Variants in RANBP9 observed in about 807,000 individuals in gnomAD.
The protein encoded by RANBP9 is ran-binding protein 9.
A neutral mutation model predicts 84.3 loss-of-function variants in RANBP9; 15 were observed. That is an observed-to-expected ratio of 0.18 (90% CI 0.12 to 0.27). The LOEUF is 0.27. Among genes scored for constraint, RANBP9 ranks in the 10% least tolerant of loss-of-function variants. The pLI is 1.00. For missense variants in RANBP9, 809 were observed against 912.8 expected (o/e 0.89, Z 1.46); for synonymous variants, 392 against 349.6 (o/e 1.12, Z -1.35).
intron 9 of RANBP9, among the ~76,000 whole-genome samples, 160 bp from the exon 10 acceptor site, chr6:13,638,115 CTTAA>C (rs1164134683): frequency 6.6e-6 from 1 of 152,146 alleles, no homozygotes; most frequent in Non-Finnish European, 1.5e-5. Context: ...ACTAAGAATA[CTTAA>C]TTGTGAGATC....
At chr6:13,652,171 T>A (rs1765313410) in intron 5 of RANBP9, among the ~76,000 whole-genome samples, 1 of 152,222 alleles carries the variant, frequency 6.6e-6, no homozygotes, top group Admixed American at 6.5e-5. Flanking sequence ...TTAACACCCT[T>A]AAAATATGTT....
At chr6:13,682,463 T>C (rs1476470938) in intron 2 of RANBP9, among the ~76,000 whole-genome samples, 1 of 152,108 alleles carries the variant, frequency 6.6e-6, no homozygotes, top group Admixed American at 6.5e-5. Context: ...ATAATTTTTT[T>C]TTTTAATTGA....
intron 2 of RANBP9, among the ~76,000 whole-genome samples, chr6:13,671,669 T>C (rs1765781413): frequency 6.6e-6 from 1 of 152,136 alleles, no homozygotes; most frequent in Non-Finnish European, 1.5e-5. Context: ...CTTTTTCAGG[T>C]GACAAAAATG....
intron 6 of RANBP9, among the ~76,000 whole-genome samples, chr6:13,643,405 C>T (rs1389070522): frequency 1.3e-5 from 2 of 152,170 alleles, no homozygotes; most frequent in Non-Finnish European, 2.9e-5. Flanking sequence ...CCTGACACTA[C>T]TAAGGGCCAG....
At chr6:13,664,894 T>C (rs1765614018) in intron 2 of RANBP9, among the ~76,000 whole-genome samples, 1 of 152,178 alleles carries the variant, frequency 6.6e-6, no homozygotes, top group East Asian at 1.9e-4. Flanking sequence ...CTAAACAGTA[T>C]GGTACTGGCT....
chr6:13,623,269 C>G (rs1487490694), intron 13 of RANBP9, among the ~76,000 whole-genome samples: 1 of 152,140 alleles, frequency 6.6e-6, no homozygotes, highest in Non-Finnish European at 1.5e-5. Flanking sequence ...AATGTCCAAA[C>G]TAATCAATAA....
At chr6:13,631,363 C>T (rs1042197353) in intron 12 of RANBP9, among the ~76,000 whole-genome samples, 1 of 152,198 alleles carries the variant, frequency 6.6e-6, no homozygotes, top group African/African-American at 2.4e-5. Flanking sequence ...ATGTCCTACA[C>T]TTGTGCTATG....
intron 13 of RANBP9, 62 bp from the exon 14 acceptor site, chr6:13,622,554 A>C: frequency 1.4e-6 from 2 of 1,467,314 alleles, no homozygotes; most frequent in South Asian, 1.4e-5. Context: ...AAAACATTTC[A>C]ATCAGGAGAA....
intron 11 of RANBP9, 133 bp downstream of exon 11, chr6:13,634,298 A>G: frequency 9.1e-7 from 1 of 1,098,816 alleles, no homozygotes; most frequent in Non-Finnish European, 1.3e-6. Flanking sequence ...AGTGCTATGC[A>G]TTACTGTCAA....
intron 2 of RANBP9, among the ~76,000 whole-genome samples, chr6:13,685,306 TAA>T (rs1310783436): frequency 6.6e-6 from 1 of 152,136 alleles, no homozygotes; most frequent in Non-Finnish European, 1.5e-5. Context: ...CAGCCAAAAA[TAA>T]AAAGATATTC....
chr6:13,630,310 A>T (rs1212816003), intron 12 of RANBP9, among the ~76,000 whole-genome samples: 1 of 152,194 alleles, frequency 6.6e-6, no homozygotes, highest in Non-Finnish European at 1.5e-5. Flanking sequence ...ATCTTCACAC[A>T]ATTCAGTATA....
chr6:13,687,767 T>C (rs997234301), intron 2 of RANBP9, among the ~76,000 whole-genome samples: 1 of 152,210 alleles, frequency 6.6e-6, no homozygotes, highest in Non-Finnish European at 1.5e-5. Context: ...AACTGATCTC[T>C]AGAAGTCAGT....
In RANBP9 at chr6:13,634,458, C is replaced by T. The variant is rs202203748; in HGVS notation, c.1768G>A (p.Glu590Lys). The T allele has an allele frequency of 3.5e-5, 57 of 1,613,474 alleles. No individual in the cohort carries two copies. The highest frequency in any genetic ancestry group is 2.8e-4 in the African/African-American group (21 of 75,012). The stretch of plus-strand genomic sequence containing the variant: ...ATTTCGGTGTCACAATCTTCCATTT[C>T]GTGGTCATGTTTAGAGCTACCATTT... ...FLNGSSKHDH[E>K]MEDCDTEMEV... Residue 590 changes from glutamate to lysine, a missense_variant, in exon 11 of 14, where the codon GAA becomes AAA. Around this residue, in one of 5 missense-constraint regions of RANBP9, gnomAD observed 233 missense variants for 234.4 expected, o/e 0.99. Coordinates refer to ENST00000011619, the MANE Select transcript of RANBP9 (RefSeq NM_005493.3).
At chr6:13,652,560 A>C in intron 5 of RANBP9, 99 bp downstream of exon 5, 2 of 1,153,964 alleles carry the variant, frequency 1.7e-6, no homozygotes, top group South Asian at 1.5e-5. Context: ...AATAAATATC[A>C]ATAAGACTGT....
At chr6:13,645,435 G>A (rs983117563) in intron 5 of RANBP9, among the ~76,000 whole-genome samples, 9 of 152,238 alleles carry the variant, frequency 5.9e-5, no homozygotes, top group African/African-American at 2.2e-4. Flanking sequence ...AAGATGAAAA[G>A]GTGATAACTT....
intron 6 of RANBP9, among the ~76,000 whole-genome samples, chr6:13,643,186 A>G (rs1765105671): frequency 6.6e-6 from 1 of 152,162 alleles, no homozygotes; most frequent in African/African-American, 2.4e-5. Flanking sequence ...ATCTAAATCA[A>G]TTACTATGGT....
intron 5 of RANBP9, among the ~76,000 whole-genome samples, chr6:13,645,167 T>G (rs1308607210): frequency 6.6e-6 from 1 of 152,174 alleles, no homozygotes; most frequent in Non-Finnish European, 1.5e-5. Flanking sequence ...AAAAGTATGA[T>G]CTCAGCTAGT....
intron 7 of RANBP9, 79 bp from the exon 8 acceptor site, chr6:13,641,386 G>A: frequency 2.5e-6 from 2 of 807,628 alleles, no homozygotes; most frequent in Non-Finnish European, 3.9e-6. Context: ...AGAAAAGAAA[G>A]TTAGTAAGAA....
intron 3 of RANBP9, among the ~76,000 whole-genome samples, chr6:13,657,742 G>A (rs2127770542): frequency 6.6e-6 from 1 of 152,212 alleles, no homozygotes; most frequent in Middle Eastern, 3.4e-3. Flanking sequence ...CTACAGATAT[G>A]TTTATATCAT....
Sources: gnomAD v4.1 joint callset for allele counts (sites outside exome capture counted in the v4.1 genomes callset) on GRCh38, gnomAD v4.1.1 for gene constraint, gnomAD v4.1.1 regional missense constraint, MANE v1.5 for transcripts, NCBI Gene and HGNC (gene_info 2026-07-23, HGNC 2026-07-21) for gene names.